The following CD109 variants were observed in gnomAD, a reference collection of about 807,000 sequenced individuals.
CD109 encodes the protein CD109 antigen.
CD109 carries 149 observed loss-of-function variants against 165.8 expected under a neutral mutation model. That is an observed-to-expected ratio of 0.90 (90% CI 0.79 to 1.03). CD109 has a LOEUF of 1.03. CD109 is among the 50% of genes least tolerant of loss of function. The probability of loss-of-function intolerance (pLI) is 0.00; values close to 1 mark genes in which losing one functional copy is unlikely to be tolerated. For missense variants in CD109, 1,712 were observed against 1,677.8 expected (o/e 1.02, Z -0.36); for synonymous variants, 585 against 592.1 (o/e 0.99, Z 0.18).
At chr6:73,814,416 C>T (rs1476297617) in intron 29 of CD109, among the ~76,000 whole-genome samples, 6 of 152,060 alleles carry the variant, frequency 3.9e-5, no homozygotes, top group Admixed American at 1.3e-4. Flanking sequence ...AGTGTGTCTA[C>T]GGCACCTTTA....
intron 3 of CD109, 40 bp from the exon 4 acceptor site, chr6:73,730,304 A>G (rs1244470732): frequency 3.2e-6 from 4 of 1,252,702 alleles, no homozygotes; most frequent in Non-Finnish European, 4.6e-6. Context: ...TTTGAGGTAA[A>G]ATAATGAGAC....
intron 16 of CD109, among the ~76,000 whole-genome samples, 188 bp downstream of exon 16, chr6:73,780,686 C>T (rs952205863): frequency 2.0e-5 from 3 of 150,736 alleles, no homozygotes; most frequent in Non-Finnish European, 3.0e-5. Flanking sequence ...TGGAACAATT[C>T]ACCATTGGAA....
intron 5 of CD109, 71 bp downstream of exon 5, chr6:73,736,579 A>C: frequency 7.4e-7 from 1 of 1,350,208 alleles, no homozygotes; most frequent in Non-Finnish European, 1.0e-6. Flanking sequence ...GAAAATCTCC[A>C]AAGTCATTTA....
At position 73,763,568 on chromosome 6, in the gene CD109, CA is replaced by C. The variant is rs1562053018; in HGVS notation, c.998-2del. The C allele has an allele frequency of 1.3e-5, 20 of 1,492,368 alleles. No individual in the cohort carries two copies. The highest frequency in any genetic ancestry group is 2.6e-5 in the South Asian group (2 of 77,932). The allele number at this position is 1,492,368 out of a possible 1,614,324, so 92.4% of individuals were successfully genotyped here. On this transcript the variant is annotated splice_region_variant and splice_polypyrimidine_tract_variant and intron_variant, in intron 9 of 32. Transcript: ENST00000287097. ...TTTGCTTTCTAAATTGTGCAATTTC[CA>C]AAAAAGGTATTTCAAGAAATGTAAG...
intron 25 of CD109, 150 bp from the exon 26 acceptor site, chr6:73,807,933 T>G: frequency 1.6e-6 from 1 of 616,980 alleles, no homozygotes; most frequent in Non-Finnish European, 2.7e-6. Context: ...ATGTCAATGA[T>G]CATGGTTGAT....
intron 2 of CD109, among the ~76,000 whole-genome samples, chr6:73,718,853 T>A (rs1484246260): frequency 3.3e-5 from 5 of 152,140 alleles, no homozygotes; most frequent in South Asian, 2.1e-4. Flanking sequence ...AACTAAAAAA[T>A]TGTATTCTGT....
intron 23 of CD109, among the ~76,000 whole-genome samples, chr6:73,800,817 A>T (rs1775335633): frequency 6.6e-6 from 1 of 152,174 alleles, no homozygotes; most frequent in Non-Finnish European, 1.5e-5. Context: ...ATATGTATAT[A>T]CATGTAAGTA....
intron 13 of CD109, among the ~76,000 whole-genome samples, chr6:73,767,564 T>A (rs1773896878): frequency 1.3e-5 from 2 of 152,186 alleles, no homozygotes; most frequent in Admixed American, 1.3e-4. Context: ...GCCTGTCGTT[T>A]TAACATTGCA....
chr6:73,736,695 T>G (rs1448057161), intron 5 of CD109, among the ~76,000 whole-genome samples, 187 bp downstream of exon 5: 1 of 152,218 alleles, frequency 6.6e-6, no homozygotes, highest in Non-Finnish European at 1.5e-5. Context: ...TTCTAACATA[T>G]TAGAATTTTC....
Position 73,782,603 on chromosome 6 carries a change from T to C in CD109, c.1964-11T>C. On this transcript the variant is annotated splice_polypyrimidine_tract_variant and intron_variant, in intron 17 of 32. Coordinates refer to ENST00000287097, the MANE Select transcript of CD109 (RefSeq NM_133493.5). ...ACTGTTTTTCTAACTACTGTCAATG[T>C]TTATTTATAGATGACAATGCAGAAT... The C allele has an allele frequency of 6.2e-7, 1 of 1,608,312 alleles. No homozygotes were observed. The highest frequency in any genetic ancestry group is 8.5e-7 in the Non-Finnish European group (1 of 1,175,810).
intron 15 of CD109, among the ~76,000 whole-genome samples, chr6:73,774,031 T>G (rs1774145441): frequency 6.6e-6 from 1 of 152,228 alleles, no homozygotes; most frequent in Non-Finnish European, 1.5e-5. Context: ...TCTCTCATAT[T>G]GTGTCTTTTA....
Position 73,825,424 on chromosome 6 carries a change from A to G in CD109, c.*1791A>G, listed in dbSNP as rs887627964. 2 of 152,210 alleles carry G rather than the reference A, an allele frequency of 1.3e-5. No individual in the cohort carries two copies. Among genetic ancestry groups the G allele is most frequent in the African/African-American group, 4.8e-5 (2 of 41,440 alleles). 9.4% of individuals were successfully genotyped at this position (152,210 alleles called of 1,614,324 possible). On this transcript the variant is annotated 3_prime_UTR_variant, in exon 33 of 33. Transcript: ENST00000287097. ...CTGGGAGTTCTTTAAAGGTGAAATC[A>G]TCTTACAAAGAAATTGGGGGAGGGT...
At chr6:73,811,745 A>G (rs1469240648) in intron 28 of CD109, among the ~76,000 whole-genome samples, 4 of 152,170 alleles carry the variant, frequency 2.6e-5, no homozygotes, top group Admixed American at 6.5e-5. Context: ...GTTAAGTACA[A>G]TGGATGAAGG....
chr6:73,802,305 A>ATATATATATT (rs1554183463), intron 23 of CD109, among the ~76,000 whole-genome samples: 4 of 47,608 alleles, frequency 8.4e-5, no homozygotes, highest in African/African-American at 2.6e-4. Flanking sequence ...ATATATATAT[A>ATATATATATT]TTTTTTTTTT....
intron 6 of CD109, among the ~76,000 whole-genome samples, chr6:73,758,297 C>A (rs77303679): frequency 1.2e-3 from 179 of 152,020 alleles, no homozygotes; most frequent in African/African-American, 4.1e-3. Context: ...AAAGTTTTAT[C>A]GACTGTAAAG....
rs1156907948 is a variant in CD109, at chr6:73,746,463, A to G, written c.633+9955A>G. On this transcript the variant is annotated intron_variant, in intron 5 of 32. Transcript: ENST00000287097. ...CTCCCTTGCTTGAGATAGGTGCCCA[A>G]GAAAGGTGGTCATGTTACATGTCTT... Among the ~76,000 whole-genome samples the G allele has an allele frequency of 2.0e-5, 3 of 152,246 alleles. No homozygotes were observed. In the East Asian group the frequency reaches 5.8e-4, roughly 29 times the overall value.
In CD109 at chr6:73,711,243, C is replaced by A. The variant is rs574138667; in HGVS notation, c.248-12008C>A. Among the ~76,000 whole-genome samples, 9 of 151,720 alleles carry A rather than the reference C, an allele frequency of 5.9e-5. No individual in the cohort carries two copies. The East Asian group carries it at 1.7e-3, about 29-fold the overall frequency. The stretch of plus-strand genomic sequence containing the variant: ...TACTTTTAGTAGGTTTGTGTTTGAC[C>A]TGCTTTTTTTTTTACTCAATGTTTG... On this transcript the variant is annotated intron_variant, in intron 2 of 32. Transcript: ENST00000287097.
chr6:73,805,115 A>G (rs1429793413), intron 24 of CD109, among the ~76,000 whole-genome samples: 1 of 152,252 alleles, frequency 6.6e-6, no homozygotes, highest in African/African-American at 2.4e-5. Context: ...ATCTAGAACT[A>G]GAAATACCAT....
In CD109 at chr6:73,765,560, T is replaced by C. The variant is rs185697350; in HGVS notation, c.1108-370T>C. Among the ~76,000 whole-genome samples the C allele has an allele frequency of 1.7e-3, 257 of 151,956 alleles. 1 individual carries two copies. Among genetic ancestry groups the C allele is most frequent in the Middle Eastern group, 0.014 (4 of 294 alleles). On this transcript the variant is annotated intron_variant, in intron 10 of 32. Coordinates refer to ENST00000287097, the MANE Select transcript of CD109 (RefSeq NM_133493.5). The stretch of plus-strand genomic sequence containing the variant: ...TGGGAATTTTGGCTTTAGGGTACAA[T>C]CACAGAGATGACAAGCTAAGCAATA...
Sources: allele counts gnomAD v4.1 joint callset (sites outside exome capture counted in the v4.1 genomes callset), GRCh38; gene constraint gnomAD v4.1.1; transcripts MANE v1.5; gene names NCBI Gene and HGNC (gene_info 2026-07-23, HGNC 2026-07-21).